PI4KB: variants seen among roughly 807,000 people sequenced by gnomAD.
PI4KB encodes phosphatidylinositol 4-kinase beta.
PI4KB carries 23 observed loss-of-function variants against 81.4 expected under a neutral mutation model. That is an observed-to-expected ratio of 0.28 (90% CI 0.20 to 0.40). The LOEUF is 0.40. Among genes scored for constraint, PI4KB ranks in the 10% least tolerant of loss-of-function variants. The pLI, the probability that PI4KB is intolerant of heterozygous loss-of-function variation, is 1.00. For synonymous variants in PI4KB, 381 were observed against 406.8 expected (o/e 0.94, Z 0.76); for missense variants, 651 against 1,036.6 (o/e 0.63, Z 5.11).
chr1:151,316,835 G>C (rs952191303), intron 1 of PI4KB, among the ~76,000 whole-genome samples: 3 of 152,082 alleles, frequency 2.0e-5, no homozygotes, highest in African/African-American at 7.2e-5. Context: ...TGTTGTTGTT[G>C]TTGTTGAGAC....
intron 3 of PI4KB, among the ~76,000 whole-genome samples, chr1:151,308,925 T>G (rs1695997895): frequency 6.6e-6 from 1 of 152,190 alleles, no homozygotes; most frequent in Non-Finnish European, 1.5e-5. Flanking sequence ...AGAGCTTCTT[T>G]TGAAAACTGG....
At chr1:151,307,007 G>A (rs955818181) in intron 4 of PI4KB, among the ~76,000 whole-genome samples, 6 of 152,208 alleles carry the variant, frequency 3.9e-5, no homozygotes, top group East Asian at 1.9e-4. Context: ...CCTGGGTTGC[G>A]GAGGTTGCAG....
intron 1 of PI4KB, among the ~76,000 whole-genome samples, chr1:151,324,185 T>A (rs1302877162): frequency 6.6e-6 from 1 of 152,062 alleles, no homozygotes; most frequent in Non-Finnish European, 1.5e-5. Flanking sequence ...GGTTTCCAAC[T>A]CTTGACCTCA....
chr1:151,302,784 C>T (rs1356831572), intron 6 of PI4KB, among the ~76,000 whole-genome samples: 4 of 150,830 alleles, frequency 2.7e-5, no homozygotes, highest in East Asian at 4.0e-4. Context: ...GGGGTTTCAT[C>T]GTGTTAGCCA....
At chr1:151,309,497 C>T (rs1227355613) in intron 3 of PI4KB, among the ~76,000 whole-genome samples, 1 of 152,136 alleles carries the variant, frequency 6.6e-6, no homozygotes, top group Non-Finnish European at 1.5e-5. Flanking sequence ...AAAAAATCAG[C>T]CAAACTCCCA....
At chr1:151,311,394 C>T (rs113111060) in intron 2 of PI4KB, among the ~76,000 whole-genome samples, 2 of 152,172 alleles carry the variant, frequency 1.3e-5, no homozygotes, top group Non-Finnish European at 1.5e-5. Context: ...GAACTCAATT[C>T]CATGGTTTCA....
At chr1:151,320,537 T>G (rs1473086460) in intron 1 of PI4KB, among the ~76,000 whole-genome samples, 2 of 152,188 alleles carry the variant, frequency 1.3e-5, no homozygotes, top group Non-Finnish European at 2.9e-5. Context: ...GAGCTTGGTA[T>G]TGGTAAGAAG....
At chr1:151,302,482 AT>A (rs1695366384) in intron 6 of PI4KB, among the ~76,000 whole-genome samples, 184 bp from the exon 7 acceptor site, 1 of 152,118 alleles carries the variant, frequency 6.6e-6, no homozygotes, top group Non-Finnish European at 1.5e-5. Context: ...GATTGTAATC[AT>A]GTTAAAATTA....
In PI4KB at chr1:151,298,728, A is replaced by G. The variant is rs75586740; in HGVS notation, c.2015+80T>C. The G allele has an allele frequency of 4.5e-5, 63 of 1,413,040 alleles. No homozygotes were observed. In the African/African-American group the frequency reaches 6.9e-4, roughly 15 times the overall value. The allele number at this position is 1,413,040 out of a possible 1,614,324, so 87.5% of individuals were successfully genotyped here. A position where few individuals can be genotyped will look rare whatever the true frequency, so the allele number is the denominator to read the frequency against. On this transcript the variant is annotated intron_variant, in intron 9 of 11. Transcript: ENST00000368873. ...TCACATCTTTGCCATGGAGGGCAGT[A>G]ATAAGTAATTGAGAACTACACACGA...
intron 2 of PI4KB, among the ~76,000 whole-genome samples, chr1:151,313,329 G>C (rs987199822): frequency 1.3e-5 from 2 of 152,102 alleles, no homozygotes; most frequent in Non-Finnish European, 2.9e-5. Flanking sequence ...GGCAGCTACA[G>C]AACCCACCCT....
chr1:151,294,297 ATTAC>A, intron 10 of PI4KB, 108 bp downstream of exon 10: 1 of 1,467,834 alleles, frequency 6.8e-7, no homozygotes, highest in Non-Finnish European at 9.2e-7. Context: ...CTCACCCCTA[ATTAC>A]TGCCTGTTCT....
chr1:151,320,162 T>C (rs1324630415), intron 1 of PI4KB, among the ~76,000 whole-genome samples: 2 of 152,150 alleles, frequency 1.3e-5, no homozygotes, highest in Non-Finnish European at 2.9e-5. Context: ...GGCTCACAAG[T>C]AGTTGGGACT....
At chr1:151,299,474 G>A (rs1228561194) in intron 8 of PI4KB, among the ~76,000 whole-genome samples, 3 of 152,154 alleles carry the variant, frequency 2.0e-5, no homozygotes, top group Admixed American at 2.0e-4. Context: ...CTGAGGTCAG[G>A]AGTTCAAGAC....
At chr1:151,297,264 G>C (rs1377428563) in intron 9 of PI4KB, among the ~76,000 whole-genome samples, 3 of 151,834 alleles carry the variant, frequency 2.0e-5, no homozygotes, top group Admixed American at 6.6e-5. Context: ...ATTTTTTGTA[G>C]AGACGGGATC....
At chr1:151,320,462 C>T (rs1309511261) in intron 1 of PI4KB, among the ~76,000 whole-genome samples, 2 of 152,324 alleles carry the variant, frequency 1.3e-5, no homozygotes, top group South Asian at 2.1e-4. Flanking sequence ...AAGGCTATTT[C>T]TGTTTCTTTC....
chr1:151,320,676 A>T (rs1648725224), intron 1 of PI4KB, among the ~76,000 whole-genome samples: 2 of 152,296 alleles, frequency 1.3e-5, no homozygotes, highest in Admixed American at 1.3e-4. Flanking sequence ...AATAAGAAGG[A>T]AGCTTTAATC....
At chr1:151,301,998 G>C (rs1188484100) in intron 7 of PI4KB, 31 bp from the exon 8 acceptor site, 1 of 1,612,682 alleles carries the variant, frequency 6.2e-7, no homozygotes. Context: ...GGTGTCAAAG[G>C]TTGATGCCAG....
At chr1:151,316,553 T>C in intron 1 of PI4KB, 44 bp from the exon 2 acceptor site, 13 of 1,394,626 alleles carry the variant, frequency 9.3e-6, no homozygotes, top group South Asian at 1.5e-5. Flanking sequence ...GGGAGACACA[T>C]ACACACATTG....
At chr1:151,293,978 G>A (rs771268601) in intron 11 of PI4KB, 40 bp downstream of exon 11, 1 of 1,611,980 alleles carries the variant, frequency 6.2e-7, no homozygotes, top group African/African-American at 1.3e-5. Flanking sequence ...TAAAGGGGAA[G>A]CCTGAGGCAC....
Sources: gnomAD v4.1 joint callset for allele counts (sites outside exome capture counted in the v4.1 genomes callset) on GRCh38, gnomAD v4.1.1 for gene constraint, MANE v1.5 for transcripts, NCBI Gene and HGNC (gene_info 2026-07-23, HGNC 2026-07-21) for gene names.